The following STXBP5 variants were observed in gnomAD, a reference collection of about 807,000 sequenced individuals.
STXBP5 encodes syntaxin binding protein 5.
STXBP5 carries 50 observed loss-of-function variants against 152.4 expected under a neutral mutation model. That is an observed-to-expected ratio of 0.33 (90% confidence interval 0.26 to 0.42). The LOEUF (loss-of-function observed/expected upper bound fraction) is 0.42. STXBP5 is among the 10% of genes least tolerant of loss of function. The pLI is 1.00. For synonymous variants in STXBP5, 492 were observed against 494.7 expected (o/e 0.99, Z 0.07); for missense variants, 1,167 against 1,388.6 (o/e 0.84, Z 2.54).
At chr6:147,325,131 T>C in intron 17 of STXBP5, 47 bp downstream of exon 17, 4 of 1,360,706 alleles carry the variant, frequency 2.9e-6, no homozygotes, top group Non-Finnish European at 2.9e-6. Flanking sequence ...TAGTATTCCA[T>C]ATGTCATTTT....
At chr6:147,288,236 G>A (rs1781093024) in intron 8 of STXBP5, among the ~76,000 whole-genome samples, 1 of 152,194 alleles carries the variant, frequency 6.6e-6, no homozygotes, top group South Asian at 2.1e-4. Flanking sequence ...TGTGTCAAAT[G>A]AGACAGCCAC....
chr6:147,318,497 T>C (rs959399139), intron 16 of STXBP5, among the ~76,000 whole-genome samples: 6 of 152,218 alleles, frequency 3.9e-5, no homozygotes, highest in Admixed American at 3.3e-4. Flanking sequence ...ATTATGAGTT[T>C]TCTTTATTGT....
chr6:147,382,570 A>G (rs1786140261), intron 26 of STXBP5, among the ~76,000 whole-genome samples: 1 of 152,118 alleles, frequency 6.6e-6, no homozygotes, highest in Non-Finnish European at 1.5e-5. Flanking sequence ...TTTAATGTAC[A>G]TTGTGTTTTT....
chr6:147,215,988 A>G (rs538355004), intron 2 of STXBP5, among the ~76,000 whole-genome samples: 1 of 152,220 alleles, frequency 6.6e-6, no homozygotes, highest in Non-Finnish European at 1.5e-5. Flanking sequence ...GCCTTTAAAG[A>G]TAAAAGTGAA....
At chr6:147,234,462 G>A (rs73788842) in intron 2 of STXBP5, among the ~76,000 whole-genome samples, 2,717 of 151,490 alleles carry the variant, frequency 0.018, 70 homozygotes, top group African/African-American at 0.061. Context: ...TTCTATTTTC[G>A]CTACTTCTAG....
chr6:147,346,273 A>C (rs1358317088), intron 21 of STXBP5, among the ~76,000 whole-genome samples: 3 of 152,136 alleles, frequency 2.0e-5, no homozygotes, highest in Non-Finnish European at 4.4e-5. Context: ...TTGTTGGACA[A>C]AGTCTACAAC....
chr6:147,245,642 C>G (rs1778773988), intron 4 of STXBP5, among the ~76,000 whole-genome samples: 1 of 152,136 alleles, frequency 6.6e-6, no homozygotes. Flanking sequence ...CCCCTGGTAC[C>G]TATGAATGTG....
chr6:147,306,691 C>G (rs1050693713), intron 9 of STXBP5, among the ~76,000 whole-genome samples: 5 of 152,188 alleles, frequency 3.3e-5, no homozygotes, highest in African/African-American at 1.2e-4. Flanking sequence ...CGTTTCTGAC[C>G]TCTGGTCTTT....
intron 7 of STXBP5, among the ~76,000 whole-genome samples, chr6:147,274,295 CT>C (rs1780332759): frequency 6.6e-6 from 1 of 152,068 alleles, no homozygotes; most frequent in South Asian, 2.1e-4. Context: ...CAGTCTTACT[CT>C]GTTGCCCAGG....
At chr6:147,264,054 TAATG>T (rs1779768842) in intron 6 of STXBP5, among the ~76,000 whole-genome samples, 1 of 151,208 alleles carries the variant, frequency 6.6e-6, no homozygotes, top group Admixed American at 6.6e-5. Flanking sequence ...ATTCCATAAA[TAATG>T]AGGATGGAGT....
chr6:147,389,089 AT>A lies in STXBP5; in HGVS notation c.*4335del, dbSNP rs1305114699. On this transcript the variant is annotated 3_prime_UTR_variant, in exon 28 of 28. Coordinates refer to ENST00000321680, the MANE Select transcript of STXBP5 (RefSeq NM_001127715.4). ...TATTTGTTCTCTTGGATTGAAATTT[AT>A]GCCCACAGATTTTTCTTTTCATTTG... 6.6e-6 allele frequency: 1 copy of A among 151,520 alleles called. No individual in the cohort carries two copies. The highest frequency in any genetic ancestry group is 2.4e-5 in the African/African-American group (1 of 41,366). 9.4% of individuals were successfully genotyped at this position (151,520 alleles called of 1,614,324 possible). A position where few individuals can be genotyped will look rare whatever the true frequency, so the allele number is the denominator to read the frequency against.
intron 8 of STXBP5, among the ~76,000 whole-genome samples, chr6:147,278,602 G>A (rs765557956): frequency 2.5e-4 from 38 of 152,186 alleles, no homozygotes; most frequent in Non-Finnish European, 5.0e-4. Flanking sequence ...GAACCCTGTA[G>A]AAGGTAATTT....
intron 2 of STXBP5, among the ~76,000 whole-genome samples, chr6:147,218,209 A>G (rs558955114): frequency 6.6e-6 from 1 of 152,304 alleles, no homozygotes; most frequent in South Asian, 2.1e-4. Flanking sequence ...TCCAAAGTCC[A>G]TAGTTTATGA....
At position 147,262,277 on chromosome 6, in the gene STXBP5, T is replaced by C; in HGVS notation, c.567-13T>C. The stretch of plus-strand genomic sequence containing the variant: ...AACTGAAGAGAAAATCTTACTAACT[T>C]TTTCTTTTTTAGGTCATCTAAATCT... On this transcript the variant is annotated splice_polypyrimidine_tract_variant and intron_variant, in intron 5 of 27. Transcript: ENST00000321680. The C allele has an allele frequency of 6.5e-7, 1 of 1,530,198 alleles. No homozygotes were observed. Among genetic ancestry groups the C allele is most frequent in the Non-Finnish European group, 8.8e-7 (1 of 1,140,104 alleles). The allele number at this position is 1,530,198 out of a possible 1,614,324, so 94.8% of individuals were successfully genotyped here.
intron 4 of STXBP5, among the ~76,000 whole-genome samples, chr6:147,243,839 C>T (rs1347579420): frequency 6.6e-6 from 1 of 151,474 alleles, no homozygotes; most frequent in Non-Finnish European, 1.5e-5. Flanking sequence ...TGTTCCAGAA[C>T]CATTTGTTGA....
At chr6:147,301,545 A>G (rs558578533) in intron 9 of STXBP5, among the ~76,000 whole-genome samples, 1 of 152,146 alleles carries the variant, frequency 6.6e-6, no homozygotes, top group Non-Finnish European at 1.5e-5. Context: ...TTAACCTTAA[A>G]TGGTTGATTT....
chr6:147,208,587 T>C (rs1776689371), intron 2 of STXBP5, among the ~76,000 whole-genome samples: 1 of 152,268 alleles, frequency 6.6e-6, no homozygotes, highest in East Asian at 1.9e-4. Context: ...ACTCTTGTAG[T>C]CTGTAACACA....
intron 22 of STXBP5, among the ~76,000 whole-genome samples, chr6:147,358,654 C>T (rs1441700562): frequency 6.6e-6 from 1 of 152,140 alleles, no homozygotes; most frequent in Non-Finnish European, 1.5e-5. Flanking sequence ...GTAACATAAA[C>T]AGTAGATTAA....
intron 8 of STXBP5, among the ~76,000 whole-genome samples, chr6:147,290,279 A>G (rs1428472444): frequency 6.6e-6 from 1 of 152,172 alleles, no homozygotes; most frequent in Admixed American, 6.5e-5. Context: ...TAAACAAAGA[A>G]GGTAAATATA....
Sources: allele counts gnomAD v4.1 joint callset (sites outside exome capture counted in the v4.1 genomes callset), GRCh38; gene constraint gnomAD v4.1.1; transcripts MANE v1.5; gene names NCBI Gene and HGNC (gene_info 2026-07-23, HGNC 2026-07-21).